UQCC1: variants seen among roughly 807,000 people sequenced by gnomAD.
UQCC1 encodes the protein ubiquinol-cytochrome c reductase complex assembly factor 1.
UQCC1 carries 38 observed loss-of-function variants against 48.0 expected under a neutral mutation model. The ratio of observed to expected loss-of-function variants is 0.79; its 90% confidence interval spans 0.61 to 1.04. UQCC1 has a LOEUF of 1.04. UQCC1 is among the 50% of genes least tolerant of loss of function. UQCC1 has a pLI of 0.00. For synonymous variants in UQCC1, 111 were observed against 129.2 expected (o/e 0.86, Z 0.95); for missense variants, 368 against 381.8 (o/e 0.96, Z 0.30).
At position 35,305,013 on chromosome 20, in the gene UQCC1, G is replaced by T. The variant is rs1457004771; in HGVS notation, c.766-944C>A. ...GGTTGAAAATCTCAACAGAACCTCT[G>T]GTTGGCTCTTGGGCCATCGGCCACA... On this transcript the variant is annotated intron_variant, in intron 9 of 9. Transcript: ENST00000374385. Among the ~76,000 whole-genome samples, 7 of 152,130 alleles carry T rather than the reference G, an allele frequency of 4.6e-5. No homozygotes were observed. The South Asian group carries it at 1.4e-3, about 31-fold the overall frequency.
At chr20:35,327,302 A>C (rs1465418723) in intron 7 of UQCC1, among the ~76,000 whole-genome samples, 2 of 152,236 alleles carry the variant, frequency 1.3e-5, no homozygotes, top group Non-Finnish European at 2.9e-5. Context: ...CACAGGTCAC[A>C]GAATGTTTGT....
At chr20:35,384,369 A>C (rs1249119097) in intron 2 of UQCC1, among the ~76,000 whole-genome samples, 1 of 152,190 alleles carries the variant, frequency 6.6e-6, no homozygotes. Context: ...GGCCAGGCAC[A>C]ATAGCTCACA....
chr20:35,317,184 C>T (rs1056265749), intron 7 of UQCC1, among the ~76,000 whole-genome samples: 1 of 152,030 alleles, frequency 6.6e-6, no homozygotes, highest in Admixed American at 6.5e-5. Flanking sequence ...GCGATCAGCC[C>T]GCCTCGACCT....
intron 7 of UQCC1, among the ~76,000 whole-genome samples, chr20:35,322,657 C>T (rs929900393): frequency 6.6e-6 from 1 of 151,996 alleles, no homozygotes; most frequent in African/African-American, 2.4e-5. Flanking sequence ...CCATTGAACC[C>T]GAGAGGCAGA....
intron 1 of UQCC1, among the ~76,000 whole-genome samples, chr20:35,399,429 C>G (rs536473157): frequency 6.6e-6 from 1 of 152,184 alleles, no homozygotes; most frequent in East Asian, 1.9e-4. Flanking sequence ...TTCCACTCAA[C>G]AGTTTCAACA....
chr20:35,392,695 G>A (rs1472840469), intron 2 of UQCC1, among the ~76,000 whole-genome samples: 1 of 152,104 alleles, frequency 6.6e-6, no homozygotes, highest in Admixed American at 6.6e-5. Context: ...TGACTACTCT[G>A]TGCCAGGCAT....
intron 6 of UQCC1, among the ~76,000 whole-genome samples, 195 bp from the exon 7 acceptor site, chr20:35,347,467 C>T (rs2061444301): frequency 6.6e-6 from 1 of 151,792 alleles, no homozygotes; most frequent in Non-Finnish European, 1.5e-5. Flanking sequence ...AAGTGTACTG[C>T]CTGATAAATT....
chr20:35,392,155 A>G (rs886845024), intron 2 of UQCC1: 2 of 1,034,402 alleles, frequency 1.9e-6, no homozygotes, highest in African/African-American at 3.3e-5. Context: ...AACGCAGCTC[A>G]CACATCCCAT....
chr20:35,347,925 A>T (rs2061448688), intron 6 of UQCC1, among the ~76,000 whole-genome samples: 1 of 152,210 alleles, frequency 6.6e-6, no homozygotes, highest in Admixed American at 6.5e-5. Context: ...TCAAATGTAG[A>T]TACTAGAAAA....
At chr20:35,329,814 C>T (rs2061237312) in intron 7 of UQCC1, among the ~76,000 whole-genome samples, 1 of 152,178 alleles carries the variant, frequency 6.6e-6, no homozygotes, top group African/African-American at 2.4e-5. Flanking sequence ...ATAGTCAACC[C>T]CAAGAGCTCG....
chr20:35,339,462 A>G (rs995847890), intron 7 of UQCC1, among the ~76,000 whole-genome samples: 1 of 152,200 alleles, frequency 6.6e-6, no homozygotes, highest in Non-Finnish European at 1.5e-5. Context: ...GGAGAAGACC[A>G]GATCAGACGG....
Position 35,388,851 on chromosome 20 carries a change from G to A in UQCC1, c.130-4718C>T, listed in dbSNP as rs147528509. On this transcript the variant is annotated intron_variant, in intron 2 of 9. Transcript: ENST00000374385. ...AGGCTGAGGCGGGAGGATCACCTGA[G>A]GTCAGGAGTTCAAGGCTAACCTGGC... Among the ~76,000 whole-genome samples, 109 of 152,130 alleles carry A rather than the reference G, an allele frequency of 7.2e-4. 1 individual carries two copies. The East Asian group carries it at 0.019, about 26-fold the overall frequency.
chr20:35,305,551 G>C (rs189922781), intron 9 of UQCC1, among the ~76,000 whole-genome samples: 1 of 152,370 alleles, frequency 6.6e-6, no homozygotes, highest in East Asian at 1.9e-4. Flanking sequence ...AGAATTCTCT[G>C]TGAGTGGGGC....
At chr20:35,366,527 T>C (rs1246435943) in intron 6 of UQCC1, 30 bp downstream of exon 6, 1 of 1,604,982 alleles carries the variant, frequency 6.2e-7, no homozygotes, top group Non-Finnish European at 8.5e-7. Flanking sequence ...AAAAATACAT[T>C]TGGTGACTTC....
intron 5 of UQCC1, among the ~76,000 whole-genome samples, chr20:35,371,699 GAAAAA>G: frequency 1.1e-5 from 1 of 92,204 alleles, no homozygotes; most frequent in Non-Finnish European, 2.1e-5. Flanking sequence ...GGCACTTAAA[GAAAAA>G]AAAAAAAAAA....
intron 1 of UQCC1, among the ~76,000 whole-genome samples, chr20:35,398,570 A>C (rs760991722): frequency 2.4e-4 from 37 of 152,156 alleles, no homozygotes; most frequent in Non-Finnish European, 4.7e-4. Flanking sequence ...AGTGGAGCTA[A>C]AAATATTTTA....
At chr20:35,365,256 C>T (rs1364435404) in intron 6 of UQCC1, among the ~76,000 whole-genome samples, 4 of 152,174 alleles carry the variant, frequency 2.6e-5, no homozygotes, top group Non-Finnish European at 4.4e-5. Flanking sequence ...GACCATTTTA[C>T]ACATCTTATC....
At chr20:35,307,126 C>T (rs6060360) in intron 8 of UQCC1, 17 of 373,944 alleles carry the variant, frequency 4.5e-5, no homozygotes, top group African/African-American at 8.4e-5. Context: ...AATGCTCCCC[C>T]TGCTGTCCAT....
rs768915873 is a variant in UQCC1, at chr20:35,303,988, G to T, written c.847C>A (p.Pro283Thr). Reference sequence around the variant, plus strand: ...GAATGGGGCTTCAGGATGCTCTGAGGATTCTTCTCCACTAGAGGGCGCCAG... The same window carrying T: ...GAATGGGGCTTCAGGATGCTCTGAGTATTCTTCTCCACTAGAGGGCGCCAG... ...VSWRPLVEKNPQSILKPHSPT... is the reference protein window; with the variant it reads ...VSWRPLVEKNTQSILKPHSPT... The change falls in exon 10 of 10, where the codon CCT (proline) becomes ACT (threonine). Residue 283 changes from proline (P) to threonine (T), a missense_variant. Pro to Thr is a conservative substitution (Grantham distance 38). Transcript: ENST00000374385. 1.2e-6 allele frequency: 2 copies of T among 1,614,176 alleles called. No individual in the cohort carries two copies. The highest frequency in any genetic ancestry group is 1.7e-6 in the Non-Finnish European group (2 of 1,180,014).
Sources: gnomAD v4.1 joint callset for allele counts (sites outside exome capture counted in the v4.1 genomes callset) on GRCh38, gnomAD v4.1.1 for gene constraint, MANE v1.5 for transcripts, NCBI Gene and HGNC (gene_info 2026-07-23, HGNC 2026-07-21) for gene names.